WARS2: variants seen among roughly 807,000 people sequenced by gnomAD.
WARS2 encodes tryptophan--tRNA ligase, mitochondrial.
In WARS2, 28 loss-of-function variants were observed where a neutral mutation model predicts 36.5. The ratio of observed to expected loss-of-function variants is 0.77; its 90% CI spans 0.57 to 1.05. The LOEUF is 1.05. WARS2 is among the 50% of genes least tolerant of loss of function. The pLI is 0.00. For synonymous variants in WARS2, 174 were observed against 178.4 expected (o/e 0.98, Z 0.20); for missense variants, 435 against 456.8 (o/e 0.95, Z 0.44).
intron 2 of WARS2, among the ~76,000 whole-genome samples, chr1:119,072,297 G>C (rs1651386372): frequency 6.6e-6 from 1 of 152,154 alleles, no homozygotes; most frequent in South Asian, 2.1e-4. Flanking sequence ...ACGGGCAGTA[G>C]GTAAGCACAG....
At chr1:119,104,705 C>A (rs1190615773) in intron 1 of WARS2, among the ~76,000 whole-genome samples, 2 of 145,250 alleles carry the variant, frequency 1.4e-5, no homozygotes, top group Non-Finnish European at 3.0e-5. Context: ...TACCTTGGAG[C>A]ACATGACATT....
intron 1 of WARS2, among the ~76,000 whole-genome samples, chr1:119,078,662 T>C (rs2101333589): frequency 6.6e-6 from 1 of 152,294 alleles, no homozygotes; most frequent in East Asian, 1.9e-4. Flanking sequence ...TTTTGCCTGT[T>C]TTTCTCAGAT....
At chr1:119,111,158 T>C (rs976711234) in intron 1 of WARS2, among the ~76,000 whole-genome samples, 1 of 152,236 alleles carries the variant, frequency 6.6e-6, no homozygotes, top group African/African-American at 2.4e-5. Context: ...GTTTAGTCTC[T>C]TCAAATTGTG....
Position 119,033,264 on chromosome 1 carries a change from G to C in WARS2, c.730C>G (p.Pro244Ala), listed in dbSNP as rs764626504. 6.2e-7 allele frequency: 1 copy of C among 1,614,212 alleles called. No homozygotes were observed. Among genetic ancestry groups the C allele is most frequent in the African/African-American group, 1.3e-5 (1 of 75,056 alleles). The change falls in exon 6 of 6, where the codon CCA becomes GCA. Residue 244 changes from proline (P) to alanine (A), a missense_variant. By Grantham distance (27) the Pro-to-Ala change is conservative (BLOSUM62 -1). Coordinates refer to ENST00000235521, the MANE Select transcript of WARS2 (RefSeq NM_015836.4). ...KLATVRITDS[P>A]EEIVQKFRKA... Reference sequence around the variant, plus strand: ...CGGAATTTCTGCACTATCTCCTCTGGGCTGTCTGTTATTCGGACGGTGGCC... The same window carrying C: ...CGGAATTTCTGCACTATCTCCTCTGCGCTGTCTGTTATTCGGACGGTGGCC...
At chr1:119,035,979 C>A (rs369030283) in intron 4 of WARS2, among the ~76,000 whole-genome samples, 2 of 152,058 alleles carry the variant, frequency 1.3e-5, no homozygotes, top group African/African-American at 4.8e-5. Context: ...CCAAGGTGGG[C>A]GGGTCACCTG....
Position 119,079,920 on chromosome 1 carries a change from CA to C in WARS2, c.91-3314del, listed in dbSNP as rs1158045502. Among the ~76,000 whole-genome samples, 6 of 152,152 alleles carry C rather than the reference CA, an allele frequency of 3.9e-5. No individual in the cohort carries two copies. In the East Asian group the frequency reaches 9.7e-4, roughly 24 times the overall value. ...AAAGGCTTTCAAGTGATGAAATCCCCAAATCATAATCTAGAAACAATATTTT... is the reference window on the plus strand; with the variant it reads ...AAAGGCTTTCAAGTGATGAAATCCCCAATCATAATCTAGAAACAATATTTT... On this transcript the variant is annotated intron_variant, in intron 1 of 5. Transcript: ENST00000235521.
intron 1 of WARS2, chr1:119,127,231 CT>C: frequency 1.3e-6 from 1 of 760,402 alleles, no homozygotes; most frequent in African/African-American, 1.7e-5. Flanking sequence ...GGATCGACCA[CT>C]TTCTTCTTGG....
Position 119,038,842 on chromosome 1 carries a change from G to A in WARS2, c.515+3422C>T, listed in dbSNP as rs1648100746. On this transcript the variant is annotated intron_variant, in intron 4 of 5. Coordinates refer to ENST00000235521, the MANE Select transcript of WARS2 (RefSeq NM_015836.4). ...ACTACAGGCACACACCACCACGCCCGGCTAATTTTTTGTATTTTAAGTAGA... is the reference window on the plus strand; with the variant it reads ...ACTACAGGCACACACCACCACGCCCAGCTAATTTTTTGTATTTTAAGTAGA... 3.3e-5 allele frequency among the ~76,000 whole-genome samples: 5 copies of A among 151,948 alleles called. No homozygotes were observed. In the South Asian group the frequency reaches 1.0e-3, roughly 32 times the overall value.
intron 4 of WARS2, among the ~76,000 whole-genome samples, chr1:119,036,277 A>G (rs1307566569): frequency 6.6e-6 from 1 of 152,212 alleles, no homozygotes; most frequent in Non-Finnish European, 1.5e-5. Flanking sequence ...TATTAGGGCC[A>G]TAGCCATTGC....
rs374081188 is a variant in WARS2, at chr1:119,051,288, T to C, written c.349-5626A>G. On this transcript the variant is annotated intron_variant, in intron 2 of 5. Transcript: ENST00000235521. ...TATAAGTGAGAATATGTGGCATTTG[T>C]TTTTCCATTCCTGTGTTAGTTTGCT... Among the ~76,000 whole-genome samples, 62 of 152,300 alleles carry C rather than the reference T, an allele frequency of 4.1e-4. No homozygotes were observed. In the East Asian group the frequency reaches 9.3e-3, roughly 23 times the overall value.
At chr1:119,034,320 A>C in intron 4 of WARS2, 107 bp from the exon 5 acceptor site, 3 of 919,866 alleles carry the variant, frequency 3.3e-6, no homozygotes, top group Non-Finnish European at 5.2e-6. Flanking sequence ...GTTGGTATTC[A>C]ACAAATGTTC....
At chr1:119,120,790 A>C (rs954120600) in intron 1 of WARS2, among the ~76,000 whole-genome samples, 3 of 152,172 alleles carry the variant, frequency 2.0e-5, no homozygotes, top group Non-Finnish European at 4.4e-5. Context: ...ATGAAAACAA[A>C]AATCATATGA....
At chr1:119,094,433 C>T (rs747568673) in intron 1 of WARS2, among the ~76,000 whole-genome samples, 45 of 151,508 alleles carry the variant, frequency 3.0e-4, no homozygotes, top group African/African-American at 4.4e-4. Context: ...CCAGCCCAAA[C>T]GGTTTTGAGA....
chr1:119,044,985 T>C (rs1468609341), intron 3 of WARS2, among the ~76,000 whole-genome samples: 3 of 152,216 alleles, frequency 2.0e-5, no homozygotes, highest in African/African-American at 7.2e-5. Flanking sequence ...CAAAAGAAGC[T>C]TGAAATTGAA....
intron 2 of WARS2, among the ~76,000 whole-genome samples, chr1:119,059,648 T>A (rs1370151583): frequency 6.6e-6 from 1 of 152,232 alleles, no homozygotes; most frequent in Non-Finnish European, 1.5e-5. Flanking sequence ...TTTTGAGTAT[T>A]CTAAACACTT....
At chr1:119,078,481 T>A (rs1254905237) in intron 1 of WARS2, among the ~76,000 whole-genome samples, 1 of 152,198 alleles carries the variant, frequency 6.6e-6, no homozygotes, top group African/African-American at 2.4e-5. Flanking sequence ...TTGTTCCATA[T>A]CCTCATCAAC....
intron 2 of WARS2, among the ~76,000 whole-genome samples, chr1:119,065,432 G>A (rs1650750296): frequency 6.6e-6 from 1 of 151,890 alleles, no homozygotes; most frequent in Non-Finnish European, 1.5e-5. Context: ...AGGAGTTTGA[G>A]ACTAGCCTGG....
intron 2 of WARS2, among the ~76,000 whole-genome samples, chr1:119,071,869 A>G (rs1046231193): frequency 1.3e-5 from 2 of 152,242 alleles, no homozygotes; most frequent in Non-Finnish European, 2.9e-5. Context: ...CAATGTATAC[A>G]TATTTCAAAG....
At chr1:119,135,701 A>C (rs1048129151) in intron 1 of WARS2, among the ~76,000 whole-genome samples, 2 of 150,552 alleles carry the variant, frequency 1.3e-5, no homozygotes, top group African/African-American at 2.4e-5. Context: ...ATAGAGATAG[A>C]TAGATTAGAT....
Sources: gnomAD v4.1 joint callset for allele counts (sites outside exome capture counted in the v4.1 genomes callset) on GRCh38, gnomAD v4.1.1 for gene constraint, MANE v1.5 for transcripts, NCBI Gene and HGNC (gene_info 2026-07-23, HGNC 2026-07-21) for gene names.